SKIC3: variants seen among roughly 807,000 people sequenced by gnomAD.
SKIC3 encodes SKI3 subunit of superkiller complex, also known as superkiller complex protein 3.
chr5:95,469,735 A>G, the SKIC3 span: 1 of 1,611,340 alleles, frequency 6.2e-7, no homozygotes, highest in Non-Finnish European at 8.5e-7. Flanking sequence ...AGAAAGATTT[A>G]AAGTGAAGAA....
chr5:95,533,003 A>G, the SKIC3 span, among the ~76,000 whole-genome samples: 1 of 152,188 alleles, frequency 6.6e-6, no homozygotes. Flanking sequence ...GGTGGCATTC[A>G]TATTTATCTT....
chr5:95,487,072 C>T, the SKIC3 span, among the ~76,000 whole-genome samples: 1 of 152,282 alleles, frequency 6.6e-6, no homozygotes, highest in Admixed American at 6.5e-5. Flanking sequence ...TGGGCACAAT[C>T]TAATCAGCTT....
the SKIC3 span, chr5:95,523,458 T>A: frequency 8.3e-6 from 10 of 1,200,580 alleles, no homozygotes; most frequent in Non-Finnish European, 1.2e-5. Context: ...TACATCAAAT[T>A]ACAGTTTCAA....
At chr5:95,482,703 CCA>C in the SKIC3 span, 1 of 1,555,056 alleles carries the variant, frequency 6.4e-7, no homozygotes, top group Non-Finnish European at 8.8e-7. Context: ...GCATTATTCT[CCA>C]AGTTGGGAAA....
the SKIC3 span, among the ~76,000 whole-genome samples, chr5:95,513,876 T>C: frequency 2.4e-4 from 37 of 152,348 alleles, no homozygotes; most frequent in Middle Eastern, 3.4e-3. Context: ...AAAAAGTGAT[T>C]CTGATAATCA....
the SKIC3 span, chr5:95,509,453 C>A: frequency 1.4e-6 from 1 of 700,712 alleles, no homozygotes; most frequent in Non-Finnish European, 2.6e-6. Flanking sequence ...ACTGAAGAGG[C>A]CAGGCTCCTC....
chr5:95,465,286 TTAA>T, the SKIC3 span, among the ~76,000 whole-genome samples: 1 of 152,314 alleles, frequency 6.6e-6, no homozygotes, highest in African/African-American at 2.4e-5. Flanking sequence ...GTTGGCTTTG[TTAA>T]TAATACTGTC....
the SKIC3 span, chr5:95,509,552 C>G: frequency 7.0e-7 from 1 of 1,433,954 alleles, no homozygotes; most frequent in South Asian, 1.2e-5. Context: ...AACCCTTCCC[C>G]TCATCTTCCT....
the SKIC3 span, among the ~76,000 whole-genome samples, chr5:95,542,572 C>A: frequency 1.3e-5 from 2 of 152,114 alleles, no homozygotes; most frequent in Non-Finnish European, 2.9e-5. Context: ...CCACTCAGTC[C>A]ATTATAAAAG....
chr5:95,503,667 T>A, the SKIC3 span: 3 of 979,432 alleles, frequency 3.1e-6, no homozygotes, highest in Non-Finnish European at 4.7e-6. Flanking sequence ...GATAAAAAAG[T>A]GCCTAGTATT....
the SKIC3 span, among the ~76,000 whole-genome samples, chr5:95,500,976 G>A: frequency 6.6e-6 from 1 of 152,168 alleles, no homozygotes; most frequent in Non-Finnish European, 1.5e-5. Flanking sequence ...CAGTTCTGAA[G>A]TAAACAGCTT....
chr5:95,525,531 G>A, the SKIC3 span: 32 of 1,613,470 alleles, frequency 2.0e-5, no homozygotes, highest in South Asian at 3.3e-4. Flanking sequence ...CAATTCTATA[G>A]CCAAATAAAA....
the SKIC3 span, chr5:95,478,139 C>A: frequency 1.1e-6 from 1 of 879,140 alleles, no homozygotes; most frequent in Middle Eastern, 3.4e-4. Flanking sequence ...ATGTCCATCA[C>A]AAACCCAAAA....
At chr5:95,484,123 G>T in the SKIC3 span, among the ~76,000 whole-genome samples, 7 of 152,210 alleles carry the variant, frequency 4.6e-5, no homozygotes, top group Non-Finnish European at 8.8e-5. Context: ...GTAAGCTCCT[G>T]TGCACATTAC....
chr5:95,512,411 T>C, the SKIC3 span: 4 of 1,538,594 alleles, frequency 2.6e-6, no homozygotes, highest in Non-Finnish European at 3.5e-6. Context: ...GAATTAATTT[T>C]AAAAATTATT....
At chr5:95,492,692 A>AAAAAAAAAAAAAAAAAGAGT in the SKIC3 span, among the ~76,000 whole-genome samples, 1 of 131,472 alleles carries the variant, frequency 7.6e-6, no homozygotes, top group Non-Finnish European at 1.6e-5. Flanking sequence ...AAAAAAAACA[A>AAAAAAAAAAAAAAAAAGAGT]GACAACTAAA....
chr5:95,476,444 T>C, the SKIC3 span, among the ~76,000 whole-genome samples: 43 of 152,368 alleles, frequency 2.8e-4, no homozygotes, highest in African/African-American at 9.9e-4. Context: ...TAAAGACTTT[T>C]ATAAATGTCT....
At chr5:95,554,198 T>C in the SKIC3 span, among the ~76,000 whole-genome samples, 2 of 152,194 alleles carry the variant, frequency 1.3e-5, no homozygotes, top group Admixed American at 6.5e-5. Context: ...ATCTGTTCCT[T>C]ACTACAATTA....
the SKIC3 span, chr5:95,482,450 A>C: frequency 9.3e-6 from 15 of 1,612,048 alleles, no homozygotes; most frequent in East Asian, 2.5e-4. Flanking sequence ...TTGAGGACTC[A>C]AGTAAGAAAG....
Sources: gnomAD v4.1 joint callset for allele counts (sites outside exome capture counted in the v4.1 genomes callset) on GRCh38, gnomAD v4.1.1 for gene constraint, MANE v1.5 for transcripts, NCBI Gene and HGNC (gene_info 2026-07-23, HGNC 2026-07-21) for gene names.